SLC25A15: variants seen among roughly 807,000 people sequenced by gnomAD.
SLC25A15 encodes solute carrier family 25 member 15.
Under a neutral mutation model 32.3 loss-of-function variants are expected in SLC25A15, and 24 were observed. The ratio of observed to expected loss-of-function variants is 0.74; its 90% CI spans 0.54 to 1.04. The LOEUF (loss-of-function observed/expected upper bound fraction) is 1.04. Ranked by LOEUF, SLC25A15 falls within the 50% of genes least tolerant of loss-of-function variation. The pLI, the probability that SLC25A15 is intolerant of heterozygous loss-of-function variation, is 0.00. For missense variants in SLC25A15, 317 were observed against 374.5 expected (o/e 0.85, Z 1.27); for synonymous variants, 132 against 142.1 (o/e 0.93, Z 0.51).
At position 40,809,865 on chromosome 13, in the gene SLC25A15, C is replaced by T. The variant is rs1566125418; in HGVS notation, c.*198C>T. The T allele has an allele frequency of 1.7e-6, 1 of 602,608 alleles. No homozygotes were observed. The highest frequency in any genetic ancestry group is 2.9e-6 in the Non-Finnish European group (1 of 342,836). The allele number at this position is 602,608 out of a possible 1,614,324, so 37.3% of individuals were successfully genotyped here. A position where few individuals can be genotyped will look rare whatever the true frequency, so the allele number is the denominator to read the frequency against. On this transcript the variant is annotated 3_prime_UTR_variant, in exon 7 of 7. Coordinates refer to ENST00000338625, the MANE Select transcript of SLC25A15 (RefSeq NM_014252.4). ...CATATCATTTCTGTCCATAATTGTA[C>T]TGAAATAGAAAAGTGACCGCTCTTG... is the stretch of plus-strand genomic sequence containing the variant.
Position 40,797,887 on chromosome 13 carries a change from C to CT in SLC25A15, c.56-1169dup, listed in dbSNP as rs879249821. Among the ~76,000 whole-genome samples, 6 of 152,220 alleles carry CT rather than the reference C, an allele frequency of 3.9e-5. No homozygotes were observed. The South Asian group carries it at 1.2e-3, about 32-fold the overall frequency. On this transcript the variant is annotated intron_variant, in intron 2 of 6. Coordinates refer to ENST00000338625, the MANE Select transcript of SLC25A15 (RefSeq NM_014252.4). ...CAGGTCCAGAAGGAGACGGTAAACA[C>CT]TAACCACTGGCAGTTCCCACGACGC...
chr13:40,793,387 GT>G, intron 2 of SLC25A15, 106 bp downstream of exon 2: 2 of 1,000,484 alleles, frequency 2.0e-6, no homozygotes, highest in Non-Finnish European at 1.5e-6. Context: ...CCTTTTCTGT[GT>G]TTAGATACAT....
At chr13:40,805,384 A>G in intron 4 of SLC25A15, 129 bp downstream of exon 4, 2 of 1,108,092 alleles carry the variant, frequency 1.8e-6, no homozygotes, top group Admixed American at 4.0e-5. Flanking sequence ...TTGTTTCTAG[A>G]ATGCTTTCCC....
chr13:40,807,014 A>G (rs1490999480), intron 4 of SLC25A15, among the ~76,000 whole-genome samples: 1 of 152,248 alleles, frequency 6.6e-6, no homozygotes, highest in East Asian at 1.9e-4. Flanking sequence ...AATTTCCCAA[A>G]AACACACCAG....
chr13:40,809,446 T>C (rs1204659913), intron 6 of SLC25A15, 97 bp from the exon 7 acceptor site: 1 of 1,475,202 alleles, frequency 6.8e-7, no homozygotes, highest in African/African-American at 1.4e-5. Flanking sequence ...CACTGTTGTC[T>C]GGGTTTGCAT....
chr13:40,804,868 A>G (rs534748113), intron 3 of SLC25A15, among the ~76,000 whole-genome samples: 1 of 151,860 alleles, frequency 6.6e-6, no homozygotes, highest in East Asian at 1.9e-4. Flanking sequence ...ATTTTTTTAG[A>G]CATGGAGGTC....
At chr13:40,809,513 G>A (rs370600022) in intron 6 of SLC25A15, 30 bp from the exon 7 acceptor site, 1 of 1,611,764 alleles carries the variant, frequency 6.2e-7, no homozygotes, top group Non-Finnish European at 8.5e-7. Context: ...AGGGATTGTT[G>A]CAGTCTTTGA....
At chr13:40,808,902 T>C (rs1347472627) in intron 6 of SLC25A15, among the ~76,000 whole-genome samples, 2 of 129,056 alleles carry the variant, frequency 1.5e-5, no homozygotes, top group African/African-American at 3.0e-5. Context: ...ACCACTGCAC[T>C]CCAGCCTGGG....
At position 40,810,943 on chromosome 13, in the gene SLC25A15, G is replaced by GAGAGCC. The variant is rs1175771736; in HGVS notation, c.*1278_*1283dup. ...ATCAGAAACCCTTCCAAGGAACAGTGAGAGCCAAAGCCAAGAGAAGCCTTC... is the reference window on the plus strand; with the variant it reads ...ATCAGAAACCCTTCCAAGGAACAGTGAGAGCCAGAGCCAAAGCCAAGAGAAGCCTTC... On this transcript the variant is annotated 3_prime_UTR_variant, in exon 7 of 7. Transcript: ENST00000338625. 2.0e-6 allele frequency: 1 copy of GAGAGCC among 494,632 alleles called. No homozygotes were observed. The highest frequency in any genetic ancestry group is 4.1e-6 in the Non-Finnish European group (1 of 241,948). 30.6% of individuals were successfully genotyped at this position (494,632 alleles called of 1,614,324 possible). A position where few individuals can be genotyped will look rare whatever the true frequency, so the allele number is the denominator to read the frequency against.
chr13:40,790,671 T>C (rs1359734636), intron 1 of SLC25A15, among the ~76,000 whole-genome samples: 1 of 152,204 alleles, frequency 6.6e-6, no homozygotes, highest in Non-Finnish European at 1.5e-5. Flanking sequence ...CACCGCAACC[T>C]CCGCCTCCTG....
chr13:40,794,257 T>C (rs1351586901), intron 2 of SLC25A15, among the ~76,000 whole-genome samples: 1 of 151,992 alleles, frequency 6.6e-6, no homozygotes, highest in Non-Finnish European at 1.5e-5. Context: ...GGAGAATCGC[T>C]TGAACCCCGG....
At chr13:40,805,397 A>G (rs1408801591) in intron 4 of SLC25A15, 142 bp downstream of exon 4, 3 of 1,015,560 alleles carry the variant, frequency 3.0e-6, no homozygotes, top group Non-Finnish European at 4.5e-6. Flanking sequence ...GCTTTCCCCT[A>G]TCAGAGATTT....
intron 2 of SLC25A15, among the ~76,000 whole-genome samples, chr13:40,795,892 A>G (rs1031455282): frequency 3.9e-5 from 6 of 152,224 alleles, no homozygotes; most frequent in Non-Finnish European, 8.8e-5. Flanking sequence ...GTTCAAGGTT[A>G]CACAGCAAGA....
chr13:40,805,289 T>C, intron 4 of SLC25A15, 34 bp downstream of exon 4: 1 of 1,613,064 alleles, frequency 6.2e-7, no homozygotes. Flanking sequence ...GTCAGGTCTC[T>C]ATTGCCCTAG....
At chr13:40,792,693 T>C (rs2138039079) in intron 1 of SLC25A15, among the ~76,000 whole-genome samples, 1 of 152,334 alleles carries the variant, frequency 6.6e-6, no homozygotes, top group East Asian at 1.9e-4. Flanking sequence ...CCAAGGCGTG[T>C]GTGATCCCAG....
intron 1 of SLC25A15, among the ~76,000 whole-genome samples, chr13:40,790,690 C>G (rs1471044764): frequency 1.3e-5 from 2 of 152,176 alleles, no homozygotes; most frequent in Admixed American, 1.3e-4. Flanking sequence ...TGGGTTCAAG[C>G]TATTCTCCTC....
intron 4 of SLC25A15, among the ~76,000 whole-genome samples, 179 bp downstream of exon 4, chr13:40,805,434 C>T (rs1882137100): frequency 6.6e-6 from 1 of 152,144 alleles, no homozygotes; most frequent in Non-Finnish European, 1.5e-5. Context: ...GTGATGGGAC[C>T]CACCACCCAC....
intron 3 of SLC25A15, among the ~76,000 whole-genome samples, chr13:40,802,842 GATTAC>G (rs1371096412): frequency 6.6e-6 from 1 of 152,008 alleles, no homozygotes; most frequent in Non-Finnish European, 1.5e-5. Context: ...AAAGTGCTGG[GATTAC>G]AGGTGTGAGC....
intron 2 of SLC25A15, among the ~76,000 whole-genome samples, chr13:40,797,337 T>A (rs1215791506): frequency 6.6e-6 from 1 of 152,240 alleles, no homozygotes; most frequent in East Asian, 1.9e-4. Flanking sequence ...ATGAATGTGC[T>A]GAATTAAATG....
Sources: allele counts gnomAD v4.1 joint callset (sites outside exome capture counted in the v4.1 genomes callset), GRCh38; gene constraint gnomAD v4.1.1; transcripts MANE v1.5; gene names NCBI Gene and HGNC (gene_info 2026-07-23, HGNC 2026-07-21).